C2CD3: variants seen among roughly 807,000 people sequenced by gnomAD.
C2CD3 encodes the protein C2 domain containing 3 centriole elongation regulator, also known as C2 domain-containing protein 3.
A neutral mutation model predicts 234.0 loss-of-function variants in C2CD3; 148 were observed. The ratio of observed to expected loss-of-function variants is 0.63; its 90% confidence interval spans 0.55 to 0.72. The LOEUF is 0.72. Ranked by LOEUF, C2CD3 falls within the 30% of genes least tolerant of loss-of-function variation. C2CD3 has a pLI of 0.00. For synonymous variants in C2CD3, 1,000 were observed against 1,035.4 expected (o/e 0.97, Z 0.66); for missense variants, 2,577 against 2,811.5 (o/e 0.92, Z 1.89).
In C2CD3 at chr11:74,109,412, T is replaced by C. The variant is rs998499757; in HGVS notation, c.1844-260A>G. The C allele has an allele frequency of 4.5e-5, 17 of 379,558 alleles. No individual in the cohort carries two copies. In the South Asian group the frequency reaches 9.8e-4, roughly 22 times the overall value. The allele number at this position is 379,558 out of a possible 1,614,324, so 23.5% of individuals were successfully genotyped here. A position where few individuals can be genotyped will look rare whatever the true frequency, so the allele number is the denominator to read the frequency against. On this transcript the variant is annotated intron_variant, in intron 11 of 32. Transcript: ENST00000334126. ...CCATGAGAAATGAATGTCAATCATA[T>C]GAGTACTGGATGTGTAAGGAGACAT...
At chr11:74,013,681 C>T (rs1248367345) in intron 32 of C2CD3, among the ~76,000 whole-genome samples, 156 bp from the exon 33 acceptor site, 1 of 152,178 alleles carries the variant, frequency 6.6e-6, no homozygotes. Flanking sequence ...TTGACCCTTA[C>T]CTCAACCCCA....
intron 7 of C2CD3, among the ~76,000 whole-genome samples, chr11:74,125,206 C>G (rs1223576385): frequency 1.3e-5 from 2 of 152,058 alleles, no homozygotes; most frequent in Admixed American, 6.6e-5. Context: ...GCTTTATTGC[C>G]CAGCCTGGAG....
At chr11:74,021,210 C>T (rs1318332655) in intron 32 of C2CD3, among the ~76,000 whole-genome samples, 1 of 152,084 alleles carries the variant, frequency 6.6e-6, no homozygotes, top group Non-Finnish European at 1.5e-5. Context: ...TGCCACTGCA[C>T]TCCAGTCTGG....
intron 16 of C2CD3, among the ~76,000 whole-genome samples, 182 bp from the exon 17 acceptor site, chr11:74,095,590 T>A (rs1475691267): frequency 1.3e-5 from 2 of 152,226 alleles, no homozygotes; most frequent in East Asian, 3.8e-4. Context: ...AAACAGGATG[T>A]ACTCTTGACT....
intron 26 of C2CD3, among the ~76,000 whole-genome samples, chr11:74,054,027 C>A: frequency 6.6e-6 from 1 of 152,254 alleles, no homozygotes; most frequent in East Asian, 1.9e-4. Flanking sequence ...AATCCCAGCA[C>A]TTTGGGAGGC....
intron 28 of C2CD3, among the ~76,000 whole-genome samples, chr11:74,043,754 G>T (rs1219853074): frequency 1.3e-5 from 2 of 150,932 alleles, no homozygotes; most frequent in African/African-American, 2.4e-5. Flanking sequence ...ATCTTTTTTT[G>T]AAGAAATGTC....
At chr11:74,156,970 CA>C (rs1856073937) in intron 3 of C2CD3, among the ~76,000 whole-genome samples, 1 of 152,194 alleles carries the variant, frequency 6.6e-6, no homozygotes, top group South Asian at 2.1e-4. Flanking sequence ...GACTCTGTCT[CA>C]AAAAAACCCC....
At chr11:74,039,042 C>G (rs952994071) in intron 29 of C2CD3, among the ~76,000 whole-genome samples, 1 of 152,184 alleles carries the variant, frequency 6.6e-6, no homozygotes, top group Admixed American at 6.5e-5. Context: ...TATTCTATCA[C>G]TAGAGGCCAA....
intron 24 of C2CD3, among the ~76,000 whole-genome samples, chr11:74,062,679 T>C (rs1245066539): frequency 6.6e-6 from 1 of 151,662 alleles, no homozygotes; most frequent in Admixed American, 6.6e-5. Flanking sequence ...GCAGGAAAGA[T>C]CTAAAATTGA....
At chr11:74,122,103 C>G (rs1297271189) in intron 8 of C2CD3, among the ~76,000 whole-genome samples, 1 of 152,230 alleles carries the variant, frequency 6.6e-6, no homozygotes, top group African/African-American at 2.4e-5. Flanking sequence ...ATGTGCCAGC[C>G]TGCCTTATCA....
chr11:74,018,128 T>C (rs1951943093), intron 32 of C2CD3, among the ~76,000 whole-genome samples: 1 of 152,224 alleles, frequency 6.6e-6, no homozygotes, highest in Non-Finnish European at 1.5e-5. Flanking sequence ...CTGTTTGGTC[T>C]TCTTATCCAG....
intron 22 of C2CD3, among the ~76,000 whole-genome samples, chr11:74,083,040 C>A (rs1253555457): frequency 6.6e-6 from 1 of 152,180 alleles, no homozygotes; most frequent in African/African-American, 2.4e-5. Flanking sequence ...TGACTTCAAA[C>A]TATACTACAA....
At chr11:74,030,315 T>C (rs1481531524) in intron 31 of C2CD3, among the ~76,000 whole-genome samples, 1 of 152,222 alleles carries the variant, frequency 6.6e-6, no homozygotes, top group East Asian at 1.9e-4. Context: ...TCGATAAATG[T>C]CAGCTATTCT....
At chr11:74,084,736 G>T in intron 22 of C2CD3, 145 bp downstream of exon 22, 1 of 472,676 alleles carries the variant, frequency 2.1e-6, no homozygotes, top group Non-Finnish European at 3.8e-6. Context: ...AAAAACATTT[G>T]AGGTATTGGA....
chr11:74,051,793 T>C (rs1263667564), intron 26 of C2CD3, among the ~76,000 whole-genome samples: 2 of 152,188 alleles, frequency 1.3e-5, no homozygotes, highest in African/African-American at 4.8e-5. Context: ...ACACTGACTG[T>C]AAGCTCTGTG....
At position 74,133,542 on chromosome 11, in the gene C2CD3, C is replaced by T; in HGVS notation, c.971G>A (p.Gly324Asp). ...CACCATGGCATTACGCAGTTTATTG[C>T]CTTGTTCTAACAGAGCTGAAGAGGG... The part of the protein sequence containing the change: ...KDLLSALLEQ[G>D]NKLRNAMVIS... The change falls in exon 6 of 33, where the codon GGC becomes GAC. Residue 324 changes from glycine (G) to aspartate (D), a missense_variant. By Grantham distance (94) the Gly-to-Asp change is moderately conservative. Transcript: ENST00000334126. The T allele has an allele frequency of 6.2e-7, 1 of 1,613,990 alleles. No individual in the cohort carries two copies. Among genetic ancestry groups the T allele is most frequent in the Non-Finnish European group, 8.5e-7 (1 of 1,179,980 alleles).
At chr11:74,054,721 A>T (rs752730649) in intron 25 of C2CD3, 50 bp from the exon 26 acceptor site, 70 of 1,254,898 alleles carry the variant, frequency 5.6e-5, no homozygotes, top group Non-Finnish European at 7.2e-5. Context: ...AACTTTCTGT[A>T]GTATAAAACT....
At chr11:74,132,584 A>G (rs1957711514) in intron 7 of C2CD3, among the ~76,000 whole-genome samples, 1 of 152,212 alleles carries the variant, frequency 6.6e-6, no homozygotes, top group Non-Finnish European at 1.5e-5. Context: ...TTTTCATCAT[A>G]CCATGTTAAC....
intron 7 of C2CD3, among the ~76,000 whole-genome samples, chr11:74,130,743 T>C (rs542820255): frequency 3.3e-5 from 5 of 152,286 alleles, no homozygotes; most frequent in African/African-American, 1.2e-4. Flanking sequence ...TTGATTAGTG[T>C]TGTTCTGTAG....
Sources: gnomAD v4.1 joint callset for allele counts (sites outside exome capture counted in the v4.1 genomes callset) on GRCh38, gnomAD v4.1.1 for gene constraint, MANE v1.5 for transcripts, NCBI Gene and HGNC (gene_info 2026-07-23, HGNC 2026-07-21) for gene names.